Variants in PTPRN2 observed in about 807,000 individuals in gnomAD.
PTPRN2 encodes the protein receptor-type tyrosine-protein phosphatase N2.
PTPRN2 carries 74 observed loss-of-function variants against 118.8 expected under a neutral mutation model. That is an observed-to-expected ratio of 0.62 (90% confidence interval 0.52 to 0.76). The LOEUF is 0.76. Among genes scored for constraint, PTPRN2 ranks in the 30% least tolerant of loss-of-function variants. The pLI, the probability that PTPRN2 is intolerant of heterozygous loss-of-function variation, is 0.00. For synonymous variants in PTPRN2, 641 were observed against 608.0 expected (o/e 1.05, Z -0.80); for missense variants, 1,481 against 1,394.4 (o/e 1.06, Z -0.99).
chr7:158,104,322 C>G (rs539189366), intron 10 of PTPRN2, among the ~76,000 whole-genome samples: 40 of 152,274 alleles, frequency 2.6e-4, no homozygotes, highest in Middle Eastern at 3.4e-3. Context: ...GGCTCAAAGA[C>G]TCCTGAGAAA....
At chr7:157,866,685 C>A (rs1185649081) in intron 12 of PTPRN2, among the ~76,000 whole-genome samples, 6 of 152,030 alleles carry the variant, frequency 3.9e-5, no homozygotes, top group Admixed American at 6.5e-5. Context: ...GTCCCAGGCT[C>A]GCCCCAGTGC....
At chr7:157,760,543 C>G (rs1409737834) in intron 12 of PTPRN2, among the ~76,000 whole-genome samples, 1 of 152,038 alleles carries the variant, frequency 6.6e-6, no homozygotes, top group African/African-American at 2.4e-5. Context: ...CCTGTCCTCC[C>G]TCCCATCCTC....
intron 11 of PTPRN2, among the ~76,000 whole-genome samples, chr7:157,966,418 TATC>T (rs973349421): frequency 4.4e-4 from 66 of 151,492 alleles, no homozygotes; most frequent in African/African-American, 1.4e-3. Flanking sequence ...TCGCCATCTT[TATC>T]ATCACCTTTA....
chr7:158,342,602 C>T (rs1258636789), intron 2 of PTPRN2, among the ~76,000 whole-genome samples: 2 of 152,122 alleles, frequency 1.3e-5, no homozygotes, highest in Non-Finnish European at 2.9e-5. Flanking sequence ...CACACTCTCA[C>T]CATAAGAGCT....
intron 2 of PTPRN2, among the ~76,000 whole-genome samples, chr7:158,319,528 C>T: frequency 1.6e-4 from 1 of 6,380 alleles, no homozygotes; most frequent in Admixed American, 1.2e-3. Flanking sequence ...CAGCCTCCCT[C>T]ACACACACAG....
intron 2 of PTPRN2, among the ~76,000 whole-genome samples, chr7:158,442,902 C>T (rs60834185): frequency 0.11 from 12,685 of 120,006 alleles, 583 homozygotes; most frequent in Middle Eastern, 0.13. Flanking sequence ...TCTTGCCTTA[C>T]GGACAAGAGG....
intron 6 of PTPRN2, among the ~76,000 whole-genome samples, chr7:158,147,850 G>C (rs1359485261): frequency 2.7e-5 from 2 of 74,878 alleles, no homozygotes; most frequent in African/African-American, 1.2e-4. Context: ...CTCACGCCAC[G>C]TGTCTTTCCC....
At position 158,563,431 on chromosome 7, in the gene PTPRN2, TA is replaced by T. The variant is rs1827502314; in HGVS notation, c.112+24126del. 6.6e-6 allele frequency among the ~76,000 whole-genome samples: 1 copy of T among 152,172 alleles called. No homozygotes were observed. The highest frequency in any genetic ancestry group is 1.5e-5 in the Non-Finnish European group (1 of 68,030). ...TTTGCAAGTTGGCCGTGATGTCTCA[TA>T]ATATGAAGTTTGGGTGAGGCGGTGC... is the stretch of plus-strand genomic sequence containing the variant. On this transcript the variant is annotated intron_variant, in intron 1 of 22. Coordinates refer to ENST00000389418, the MANE Select transcript of PTPRN2 (RefSeq NM_002847.5). This position sits in a 1 kb window ranked among gnomAD's most constrained non-coding sequence, Gnocchi z 5.1.
intron 12 of PTPRN2, among the ~76,000 whole-genome samples, chr7:157,742,857 T>C (rs1405356221): frequency 6.6e-6 from 1 of 152,258 alleles, no homozygotes; most frequent in Admixed American, 6.5e-5. Context: ...TACCTTTTGC[T>C]TGTAATTCCA....
At chr7:158,381,584 C>T (rs1810967891) in intron 2 of PTPRN2, among the ~76,000 whole-genome samples, 1 of 152,204 alleles carries the variant, frequency 6.6e-6, no homozygotes, top group Admixed American at 6.5e-5. Context: ...ATTTTCCTGT[C>T]TTCTGCTGAG....
intron 14 of PTPRN2, among the ~76,000 whole-genome samples, chr7:157,644,362 C>T (rs191243512): frequency 3.2e-4 from 48 of 152,292 alleles, no homozygotes; most frequent in African/African-American, 1.1e-3. Flanking sequence ...GTGAGGAAGA[C>T]ACTGCTGTGG....
At chr7:157,885,290 G>C (rs935723573) in intron 12 of PTPRN2, among the ~76,000 whole-genome samples, 2 of 152,174 alleles carry the variant, frequency 1.3e-5, no homozygotes, top group African/African-American at 4.8e-5. Context: ...GAGCAAGGCT[G>C]CCCTTACACC....
At chr7:157,643,203 G>A (rs1254327776) in intron 14 of PTPRN2, among the ~76,000 whole-genome samples, 1 of 152,232 alleles carries the variant, frequency 6.6e-6, no homozygotes, top group East Asian at 1.9e-4. Context: ...GCTGGGGCCA[G>A]CATGGCAGCA....
chr7:157,936,347 C>T (rs575259051), intron 11 of PTPRN2, among the ~76,000 whole-genome samples: 8 of 152,316 alleles, frequency 5.3e-5, no homozygotes, highest in East Asian at 3.9e-4. Flanking sequence ...CACGTTCACA[C>T]GACATCCCAA....
intron 11 of PTPRN2, among the ~76,000 whole-genome samples, chr7:158,049,873 A>C (rs754618204): frequency 6.7e-6 from 1 of 150,346 alleles, no homozygotes; most frequent in Non-Finnish European, 1.5e-5. Context: ...ATTTTACTCC[A>C]ACCTGGGCAA....
intron 4 of PTPRN2, among the ~76,000 whole-genome samples, chr7:158,195,418 G>T (rs1389303090): frequency 1.3e-5 from 2 of 152,146 alleles, no homozygotes; most frequent in Admixed American, 6.5e-5. Context: ...ATTTTATTAT[G>T]ATATTTCTTA....
At chr7:157,795,908 G>A (rs1333576883) in intron 12 of PTPRN2, among the ~76,000 whole-genome samples, 1 of 152,246 alleles carries the variant, frequency 6.6e-6, no homozygotes, top group African/African-American at 2.4e-5. Context: ...ATGTGATGCT[G>A]ACGCCCTCAG....
intron 5 of PTPRN2, among the ~76,000 whole-genome samples, chr7:158,178,118 A>G (rs1363319084): frequency 1.3e-5 from 2 of 152,258 alleles, no homozygotes; most frequent in East Asian, 3.9e-4. Flanking sequence ...CATTTCCATA[A>G]TGAGGAATGA....
chr7:158,328,796 C>CCAG (rs1554460544), intron 2 of PTPRN2, among the ~76,000 whole-genome samples: 1 of 118,002 alleles, frequency 8.5e-6, no homozygotes, highest in African/African-American at 3.2e-5. Context: ...CCTCCATTCC[C>CCAG]CCCCCCCCGC....
Sources: allele counts gnomAD v4.1 joint callset (sites outside exome capture counted in the v4.1 genomes callset), GRCh38; gene constraint gnomAD v4.1.1; non-coding constraint Gnocchi (gnomAD v3.1); transcripts MANE v1.5; gene names NCBI Gene and HGNC (gene_info 2026-07-23, HGNC 2026-07-21).